The following DCC variants were observed in gnomAD, a reference collection of about 807,000 sequenced individuals.
DCC encodes the protein DCC netrin 1 receptor.
Under a neutral mutation model 172.5 loss-of-function variants are expected in DCC, and 58 were observed. The observed-to-expected ratio is 0.34, with a 90% CI of 0.27 to 0.42. The LOEUF (loss-of-function observed/expected upper bound fraction) is 0.42. Ranked by LOEUF, DCC falls within the 10% of genes least tolerant of loss-of-function variation. DCC has a pLI of 1.00. For synonymous variants in DCC, 709 were observed against 644.5 expected (o/e 1.10, Z -1.52); for missense variants, 1,740 against 1,791.0 (o/e 0.97, Z 0.51).
At chr18:53,222,451 C>A (rs542613982) in intron 12 of DCC, among the ~76,000 whole-genome samples, 1 of 133,928 alleles carries the variant, frequency 7.5e-6, no homozygotes, top group African/African-American at 2.8e-5. Context: ...GTGGTGTGAT[C>A]TCAGCTCACT....
intron 24 of DCC, among the ~76,000 whole-genome samples, chr18:53,461,363 A>G (rs1227798708): frequency 2.6e-5 from 4 of 151,940 alleles, no homozygotes; most frequent in Non-Finnish European, 2.9e-5. Context: ...GCCCATGCCT[A>G]TGTCCTGAAT....
chr18:53,398,312 C>T (rs1316035418), intron 18 of DCC, among the ~76,000 whole-genome samples: 1 of 152,108 alleles, frequency 6.6e-6, no homozygotes, highest in Non-Finnish European at 1.5e-5. Context: ...ATTATTTTAA[C>T]TATTAGAGTT....
At position 52,703,781 on chromosome 18, in the gene DCC, A is replaced by G. The variant is rs553200588; in HGVS notation, c.92-48273A>G. 1.0e-4 allele frequency among the ~76,000 whole-genome samples: 14 copies of G among 135,520 alleles called. No individual in the cohort carries two copies. In the South Asian group the frequency reaches 3.3e-3, roughly 32 times the overall value. 88.9% of individuals were successfully genotyped at this position (135,520 alleles called of 152,430 possible). A position where few individuals can be genotyped will look rare whatever the true frequency, so the allele number is the denominator to read the frequency against. On this transcript the variant is annotated intron_variant, in intron 1 of 28. Coordinates refer to ENST00000442544, the MANE Select transcript of DCC (RefSeq NM_005215.4). ...TAACATGACTGTTGACTTAAAACTAAAGGAAACAAAGTTAAATGGAAAAAA... is the reference window on the plus strand; with the variant it reads ...TAACATGACTGTTGACTTAAAACTAGAGGAAACAAAGTTAAATGGAAAAAA...
chr18:52,958,384 T>C (rs139846144), intron 5 of DCC, among the ~76,000 whole-genome samples: 2,060 of 152,244 alleles, frequency 0.014, 61 homozygotes, highest in African/African-American at 0.048. Context: ...ATGGTGTAAG[T>C]TGGAAATTTG....
At chr18:53,464,552 A>C (rs879662439) in intron 24 of DCC, among the ~76,000 whole-genome samples, 2 of 152,216 alleles carry the variant, frequency 1.3e-5, no homozygotes, top group Admixed American at 1.3e-4. Flanking sequence ...TATGCTTCAA[A>C]AAAAGTAAAA....
intron 1 of DCC, among the ~76,000 whole-genome samples, chr18:52,749,788 G>A (rs891563861): frequency 2.0e-5 from 3 of 152,308 alleles, no homozygotes; most frequent in Non-Finnish European, 4.4e-5. Flanking sequence ...TAAATAAGGT[G>A]CTTAACATGA....
chr18:53,011,117 ACT>A (rs557372237), intron 5 of DCC, among the ~76,000 whole-genome samples: 1 of 151,518 alleles, frequency 6.6e-6, no homozygotes, highest in Non-Finnish European at 1.5e-5. Context: ...TTTTACAAAT[ACT>A]CTGACTGAAA....
chr18:52,518,714 G>A (rs1340714803), intron 1 of DCC, among the ~76,000 whole-genome samples: 1 of 152,210 alleles, frequency 6.6e-6, no homozygotes, highest in African/African-American at 2.4e-5. Context: ...CACTTGCAAA[G>A]TGAACAGTGA....
intron 12 of DCC, among the ~76,000 whole-genome samples, chr18:53,229,058 T>C (rs904012408): frequency 6.6e-6 from 1 of 152,156 alleles, no homozygotes; most frequent in East Asian, 1.9e-4. Context: ...TCTGATTCAG[T>C]AGGTCTTTAA....
At chr18:53,249,377 T>C (rs2056401792) in intron 12 of DCC, among the ~76,000 whole-genome samples, 1 of 151,956 alleles carries the variant, frequency 6.6e-6, no homozygotes, top group South Asian at 2.1e-4. Flanking sequence ...TAAATATTGA[T>C]GGAAGAGGTT....
chr18:53,154,992 T>G (rs1474569031), intron 7 of DCC, among the ~76,000 whole-genome samples: 1 of 152,178 alleles, frequency 6.6e-6, no homozygotes, highest in Non-Finnish European at 1.5e-5. Flanking sequence ...TCACTGCCAC[T>G]CTTCCATTTA....
intron 2 of DCC, among the ~76,000 whole-genome samples, chr18:52,822,178 T>C (rs550322155): frequency 4.4e-4 from 67 of 152,106 alleles, no homozygotes; most frequent in Non-Finnish European, 5.0e-4. Context: ...CCCATGAAAA[T>C]ATAAGACTAA....
At chr18:53,092,457 C>G (rs1056264921) in intron 7 of DCC, among the ~76,000 whole-genome samples, 1 of 152,140 alleles carries the variant, frequency 6.6e-6, no homozygotes, top group African/African-American at 2.4e-5. Flanking sequence ...CTTTATAAAG[C>G]AAGCACTCCA....
chr18:53,196,689 T>C (rs1296311403), intron 9 of DCC, among the ~76,000 whole-genome samples: 1 of 152,152 alleles, frequency 6.6e-6, no homozygotes. Flanking sequence ...ACATTATATA[T>C]GTGTGTGTTT....
intron 5 of DCC, among the ~76,000 whole-genome samples, chr18:52,940,183 C>A (rs1175656274): frequency 6.6e-6 from 1 of 152,116 alleles, no homozygotes; most frequent in East Asian, 1.9e-4. Flanking sequence ...TAAGGCAAGA[C>A]ATTTATATTC....
chr18:52,964,638 T>C (rs2040899495), intron 5 of DCC, among the ~76,000 whole-genome samples: 1 of 152,174 alleles, frequency 6.6e-6, no homozygotes, highest in Non-Finnish European at 1.5e-5. Flanking sequence ...AGAGATTTCT[T>C]AAATGTTTAG....
chr18:53,455,125 T>C (rs1454197154), intron 23 of DCC, among the ~76,000 whole-genome samples: 1 of 152,214 alleles, frequency 6.6e-6, no homozygotes, highest in African/African-American at 2.4e-5. Context: ...TCACACTCAC[T>C]TCAAGCTTCC....
chr18:52,813,931 T>C (rs749433370), intron 2 of DCC, among the ~76,000 whole-genome samples: 22 of 152,206 alleles, frequency 1.4e-4, no homozygotes, highest in Non-Finnish European at 2.5e-4. Flanking sequence ...TCTCTCCTGA[T>C]ATTCAGGCCT....
chr18:53,309,675 T>C (rs2057241165), intron 13 of DCC, among the ~76,000 whole-genome samples: 1 of 152,070 alleles, frequency 6.6e-6, no homozygotes, highest in Non-Finnish European at 1.5e-5. Flanking sequence ...CCATCACCAC[T>C]CTGGTTTATT....
Sources: gnomAD v4.1 joint callset for allele counts (sites outside exome capture counted in the v4.1 genomes callset) on GRCh38, gnomAD v4.1.1 for gene constraint, MANE v1.5 for transcripts, NCBI Gene and HGNC (gene_info 2026-07-23, HGNC 2026-07-21) for gene names.